Variants in MOB3B observed in about 807,000 individuals in gnomAD.
MOB3B encodes MOB kinase activator-like 2B.
MOB3B carries 7 observed loss-of-function variants against 18.7 expected under a neutral mutation model. The ratio of observed to expected loss-of-function variants is 0.37; its 90% confidence interval spans 0.21 to 0.70. MOB3B has a LOEUF of 0.70. Ranked by LOEUF, MOB3B falls within the 30% of genes least tolerant of loss-of-function variation. The pLI is 0.52. For missense variants in MOB3B, 253 were observed against 281.3 expected (o/e 0.90, Z 0.72); for synonymous variants, 111 against 99.9 (o/e 1.11, Z -0.66).
intron 2 of MOB3B, among the ~76,000 whole-genome samples, chr9:27,420,445 TTA>T (rs758690675): frequency 3.3e-5 from 5 of 149,444 alleles, no homozygotes; most frequent in Non-Finnish European, 1.5e-5. Flanking sequence ...GAAACTATGA[TTA>T]TATATATATA....
At chr9:27,423,328 T>C (rs1423611095) in intron 2 of MOB3B, among the ~76,000 whole-genome samples, 1 of 152,112 alleles carries the variant, frequency 6.6e-6, no homozygotes, top group African/African-American at 2.4e-5. Context: ...TGCACATAAA[T>C]ATAACAGTTT....
chr9:27,438,571 G>GTT (rs890385616), intron 2 of MOB3B, among the ~76,000 whole-genome samples: 3 of 152,166 alleles, frequency 2.0e-5, no homozygotes, highest in African/African-American at 7.2e-5. Context: ...TTGCCAGTTT[G>GTT]TTATAAAGGC....
At chr9:27,331,480 G>A (rs940142638) in intron 3 of MOB3B, among the ~76,000 whole-genome samples, 2 of 152,190 alleles carry the variant, frequency 1.3e-5, no homozygotes, top group Admixed American at 6.5e-5. Context: ...GTGTGTGTGT[G>A]TGTGTACTGG....
At chr9:27,455,847 C>T in intron 1 of MOB3B, 99 bp from the exon 2 acceptor site, 1 of 1,234,438 alleles carries the variant, frequency 8.1e-7, no homozygotes, top group Non-Finnish European at 1.0e-6. Flanking sequence ...TTGGCTGTGC[C>T]CACTCTCCAT....
intron 2 of MOB3B, 29 bp from the exon 3 acceptor site, chr9:27,359,265 A>C (rs753077463): frequency 5.7e-6 from 9 of 1,592,046 alleles, no homozygotes; most frequent in Non-Finnish European, 6.9e-6. Context: ...AGAAAGAATG[A>C]AACCATGATG....
At chr9:27,482,618 A>G (rs985820875) in intron 1 of MOB3B, among the ~76,000 whole-genome samples, 1 of 151,976 alleles carries the variant, frequency 6.6e-6, no homozygotes, top group South Asian at 2.1e-4. Flanking sequence ...TTGCATCTCA[A>G]CCTCTGCCTC....
At position 27,327,754 on chromosome 9, in the gene MOB3B, T is replaced by C. The variant is rs993571469; in HGVS notation, c.*2833A>G. 7.9e-5 allele frequency: 12 copies of C among 152,186 alleles called. No homozygotes were observed. The highest frequency in any genetic ancestry group is 2.7e-4 in the African/African-American group (11 of 41,448). The allele number at this position is 152,186 out of a possible 1,614,324, so 9.4% of individuals were successfully genotyped here. A position where few individuals can be genotyped will look rare whatever the true frequency, so the allele number is the denominator to read the frequency against. ...GGGGACAACTGGAGAATTTTGAATA[T>C]GGATCATATATTAGATTTATGCAGT... On this transcript the variant is annotated 3_prime_UTR_variant, in exon 4 of 4. Coordinates refer to ENST00000262244, the MANE Select transcript of MOB3B (RefSeq NM_024761.5).
Position 27,455,690 on chromosome 9 carries a change from C to T in MOB3B, c.-140G>A. 2 of 1,500,066 alleles carry T rather than the reference C, an allele frequency of 1.3e-6. No individual in the cohort carries two copies. The highest frequency in any genetic ancestry group is 1.8e-6 in the Non-Finnish European group (2 of 1,136,210). 92.9% of individuals were successfully genotyped at this position (1,500,066 alleles called of 1,614,324 possible). A position where few individuals can be genotyped will look rare whatever the true frequency, so the allele number is the denominator to read the frequency against. On this transcript the variant is annotated 5_prime_UTR_variant, in exon 2 of 4. An upstream open reading frame in the 5' UTR loses its in-frame stop. Transcript: ENST00000262244. ...TACAGCCTGTAGCTTTTAAGCTCTTCTAAACAGCCCCTTCCATCTTCCTCT... is the reference window on the plus strand; with the variant it reads ...TACAGCCTGTAGCTTTTAAGCTCTTTTAAACAGCCCCTTCCATCTTCCTCT...
At chr9:27,500,344 A>T (rs1427155332) in intron 1 of MOB3B, among the ~76,000 whole-genome samples, 1 of 152,208 alleles carries the variant, frequency 6.6e-6, no homozygotes, top group African/African-American at 2.4e-5. Context: ...AAGTGTCCTC[A>T]CTTAGACAAA....
chr9:27,374,916 C>T (rs1304869689), intron 2 of MOB3B, among the ~76,000 whole-genome samples: 1 of 152,184 alleles, frequency 6.6e-6, no homozygotes. Context: ...GGAAAAGTTA[C>T]CTGTGATTGC....
intron 2 of MOB3B, among the ~76,000 whole-genome samples, chr9:27,412,591 C>T (rs762613293): frequency 6.6e-6 from 1 of 152,150 alleles, no homozygotes; most frequent in Non-Finnish European, 1.5e-5. Context: ...TAAATTAAAG[C>T]ACTGGGTTCC....
At chr9:27,454,705 T>C (rs1157516874) in intron 2 of MOB3B, among the ~76,000 whole-genome samples, 1 of 152,228 alleles carries the variant, frequency 6.6e-6, no homozygotes, top group African/African-American at 2.4e-5. Flanking sequence ...CCCCAGTTTG[T>C]TTGATCCCCA....
At chr9:27,489,642 G>C (rs967558606) in intron 1 of MOB3B, among the ~76,000 whole-genome samples, 1 of 152,068 alleles carries the variant, frequency 6.6e-6, no homozygotes, top group Admixed American at 6.6e-5. Context: ...GGGGGTTGGA[G>C]GTAGCTTCCA....
intron 3 of MOB3B, among the ~76,000 whole-genome samples, chr9:27,346,886 C>T (rs1427727525): frequency 3.3e-5 from 5 of 152,214 alleles, no homozygotes; most frequent in African/African-American, 1.2e-4. Flanking sequence ...GTCCCAGCTA[C>T]TCGGGAGTCT....
At chr9:27,481,511 G>GTTTTTTTTTTTTTTTTT (rs536716885) in intron 1 of MOB3B, among the ~76,000 whole-genome samples, 25 of 69,714 alleles carry the variant, frequency 3.6e-4, no homozygotes, top group Non-Finnish European at 6.4e-4. Context: ...TTTTTTTTTT[G>GTTTTTTTTTTTTTTTTT]TTTTTTTTGT....
intron 1 of MOB3B, among the ~76,000 whole-genome samples, chr9:27,468,702 A>G (rs1819425305): frequency 6.6e-6 from 1 of 152,250 alleles, no homozygotes; most frequent in Non-Finnish European, 1.5e-5. Flanking sequence ...ACAGGAACTC[A>G]GTAACTTTTT....
intron 1 of MOB3B, among the ~76,000 whole-genome samples, chr9:27,483,282 G>A (rs1414185582): frequency 6.6e-6 from 1 of 151,768 alleles, no homozygotes; most frequent in Non-Finnish European, 1.5e-5. Context: ...ACAGGCGCCC[G>A]CTGCCACACC....
At chr9:27,376,960 G>A (rs1821497878) in intron 2 of MOB3B, among the ~76,000 whole-genome samples, 1 of 152,180 alleles carries the variant, frequency 6.6e-6, no homozygotes, top group Admixed American at 6.5e-5. Context: ...ACAGAATCTG[G>A]TGTCTGACTT....
intron 1 of MOB3B, among the ~76,000 whole-genome samples, chr9:27,456,090 G>C (rs1035102167): frequency 7.2e-5 from 11 of 152,038 alleles, no homozygotes; most frequent in African/African-American, 2.4e-4. Flanking sequence ...CTAGCTTTTA[G>C]AGCCCCACCC....
Sources: gnomAD v4.1 joint callset for allele counts (sites outside exome capture counted in the v4.1 genomes callset) on GRCh38, gnomAD v4.1.1 for gene constraint, MANE v1.5 for transcripts, NCBI Gene and HGNC (gene_info 2026-07-23, HGNC 2026-07-21) for gene names.